DCLK2: variants seen among roughly 807,000 people sequenced by gnomAD.
DCLK2 encodes doublecortin like kinase 2.
DCLK2 carries 31 observed loss-of-function variants against 78.4 expected under a neutral mutation model. The ratio of observed to expected loss-of-function variants is 0.40; its 90% CI spans 0.30 to 0.53. DCLK2 has a LOEUF of 0.53. DCLK2 is among the 20% of genes least tolerant of loss of function. The probability of loss-of-function intolerance (pLI) is 0.61; values close to 1 mark genes in which losing one functional copy is unlikely to be tolerated. For synonymous variants in DCLK2, 407 were observed against 374.9 expected (o/e 1.09, Z -0.99); for missense variants, 872 against 973.7 (o/e 0.90, Z 1.39).
At chr4:150,254,857 C>G (rs1457071764) in intron 15 of DCLK2, among the ~76,000 whole-genome samples, 1 of 152,088 alleles carries the variant, frequency 6.6e-6, no homozygotes, top group Non-Finnish European at 1.5e-5. Flanking sequence ...TTTTTAAATT[C>G]TTTGTGGAGA....
intron 2 of DCLK2, among the ~76,000 whole-genome samples, chr4:150,174,489 C>A (rs567195364): frequency 6.6e-6 from 1 of 152,248 alleles, no homozygotes; most frequent in South Asian, 2.1e-4. Flanking sequence ...ATTCATGCAA[C>A]CGTGAGCTAC....
intron 2 of DCLK2, among the ~76,000 whole-genome samples, chr4:150,134,958 A>C (rs1166663610): frequency 1.3e-5 from 2 of 152,124 alleles, no homozygotes; most frequent in African/African-American, 2.4e-5. Flanking sequence ...AGATGAGTAT[A>C]TGTTTTAAAA....
chr4:150,191,285 C>G (rs1022534966), intron 2 of DCLK2, among the ~76,000 whole-genome samples: 14 of 151,940 alleles, frequency 9.2e-5, no homozygotes, highest in Non-Finnish European at 2.9e-5. Context: ...AAGGTAGCCA[C>G]TGAGGGCTGA....
chr4:150,199,012 T>C, intron 4 of DCLK2: 8 of 1,589,304 alleles, frequency 5.0e-6, no homozygotes, highest in Non-Finnish European at 6.8e-6. Context: ...ACTCTGTGTA[T>C]ACTGCATGTG....
At chr4:150,082,460 T>C (rs141232962) in intron 1 of DCLK2, among the ~76,000 whole-genome samples, 1 of 152,340 alleles carries the variant, frequency 6.6e-6, no homozygotes, top group East Asian at 1.9e-4. Context: ...TATTTTTTCT[T>C]CTGCCCTTGA....
At chr4:150,199,019 T>C (rs752588128) in intron 4 of DCLK2, 10 of 1,584,832 alleles carry the variant, frequency 6.3e-6, no homozygotes, top group Admixed American at 1.7e-5. Context: ...GTATACTGCA[T>C]GTGTACAGTA....
chr4:150,081,005 G>A (rs2150126614), intron 1 of DCLK2, among the ~76,000 whole-genome samples: 1 of 152,294 alleles, frequency 6.6e-6, no homozygotes, highest in East Asian at 1.9e-4. Flanking sequence ...TCTTAATCAT[G>A]TTAAACACTT....
intron 2 of DCLK2, among the ~76,000 whole-genome samples, chr4:150,130,898 G>A (rs1733264756): frequency 6.6e-6 from 1 of 152,080 alleles, no homozygotes; most frequent in Non-Finnish European, 1.5e-5. Flanking sequence ...CAGGTGCCAA[G>A]CCTGTGTAGC....
rs1739811015 is a variant in DCLK2 at position 150,205,942 on chromosome 4, A to G, written c.1056+2053A>G. Among the ~76,000 whole-genome samples, 3 of 152,132 alleles carry G rather than the reference A, an allele frequency of 2.0e-5. No individual in the cohort carries two copies. In the South Asian group the frequency reaches 6.2e-4, roughly 32 times the overall value. On this transcript the variant is annotated intron_variant, in intron 5 of 15. Coordinates refer to ENST00000296550, the MANE Select transcript of DCLK2 (RefSeq NM_001040260.4). ...GGACCGCTTTGGGGGATCAGATGGGACACTTGAGTGCCTGCTTACTCTGGG... is the reference window on the plus strand; with the variant it reads ...GGACCGCTTTGGGGGATCAGATGGGGCACTTGAGTGCCTGCTTACTCTGGG...
chr4:150,083,253 A>T (rs969789841), intron 1 of DCLK2, among the ~76,000 whole-genome samples: 2 of 152,230 alleles, frequency 1.3e-5, no homozygotes, highest in African/African-American at 4.8e-5. Context: ...CAAAGGCATT[A>T]AGAGCTACCT....
chr4:150,114,189 C>T (rs1182541769), intron 2 of DCLK2, among the ~76,000 whole-genome samples: 1 of 151,850 alleles, frequency 6.6e-6, no homozygotes, highest in Non-Finnish European at 1.5e-5. Context: ...GAGAATGTTC[C>T]ATGTACTTAT....
intron 12 of DCLK2, 49 bp downstream of exon 12, chr4:150,240,525 G>T (rs1246388411): frequency 6.5e-7 from 1 of 1,544,970 alleles, no homozygotes; most frequent in Non-Finnish European, 8.8e-7. Context: ...GTTCTCCCTT[G>T]GGTCCAGAAG....
At chr4:150,182,817 TC>T (rs1737628639) in intron 2 of DCLK2, among the ~76,000 whole-genome samples, 1 of 152,210 alleles carries the variant, frequency 6.6e-6, no homozygotes, top group Non-Finnish European at 1.5e-5. Flanking sequence ...TTACTGGACT[TC>T]CTTTCTGAGT....
chr4:150,150,679 C>T (rs1166792044), intron 2 of DCLK2, among the ~76,000 whole-genome samples: 1 of 152,168 alleles, frequency 6.6e-6, no homozygotes, highest in Non-Finnish European at 1.5e-5. Context: ...AGTAATAGCA[C>T]TCTTGGACAT....
At chr4:150,121,420 A>C (rs11099755) in intron 2 of DCLK2, among the ~76,000 whole-genome samples, 1 of 152,024 alleles carries the variant, frequency 6.6e-6, no homozygotes, top group Non-Finnish European at 1.5e-5. Flanking sequence ...TTGCTCATCC[A>C]TTAGAAGCAA....
intron 4 of DCLK2, among the ~76,000 whole-genome samples, chr4:150,199,241 C>T (rs929938908): frequency 2.0e-5 from 3 of 152,178 alleles, no homozygotes; most frequent in Admixed American, 6.5e-5. Context: ...ACACTTTAGC[C>T]TCCTCTATTT....
At chr4:150,113,154 TG>T (rs1397420697) in intron 2 of DCLK2, among the ~76,000 whole-genome samples, 1 of 152,128 alleles carries the variant, frequency 6.6e-6, no homozygotes, top group Middle Eastern at 3.2e-3. Context: ...GTTAGTATTT[TG>T]TTGAGGATTT....
intron 2 of DCLK2, among the ~76,000 whole-genome samples, chr4:150,183,077 C>T (rs1486722443): frequency 6.6e-5 from 10 of 152,128 alleles, no homozygotes. Context: ...CCCATTACGT[C>T]TTCTATAAAA....
chr4:150,093,831 T>G (rs1357369159), intron 1 of DCLK2, among the ~76,000 whole-genome samples: 10 of 152,122 alleles, frequency 6.6e-5, no homozygotes, highest in African/African-American at 2.2e-4. Context: ...ACACAGTAAT[T>G]AAAACATTAT....
Sources: allele counts gnomAD v4.1 joint callset (sites outside exome capture counted in the v4.1 genomes callset), GRCh38; gene constraint gnomAD v4.1.1; transcripts MANE v1.5; gene names NCBI Gene and HGNC (gene_info 2026-07-23, HGNC 2026-07-21).